Variants in FBF1 observed in about 807,000 individuals in gnomAD.
The protein encoded by FBF1 is fas-binding factor 1.
A neutral mutation model predicts 147.2 loss-of-function variants in FBF1; 119 were observed. The observed-to-expected ratio is 0.81, with a 90% CI of 0.70 to 0.94. The LOEUF is 0.94. Among genes scored for constraint, FBF1 ranks in the 40% least tolerant of loss-of-function variants. The pLI is 0.00. For missense variants in FBF1, 1,449 were observed against 1,500.8 expected (o/e 0.97, Z 0.57); for synonymous variants, 601 against 609.0 (o/e 0.99, Z 0.19).
At chr17:75,921,875 C>G (rs2065529933) in intron 15 of FBF1, 70 bp downstream of exon 15, 1 of 1,352,056 alleles carries the variant, frequency 7.4e-7, no homozygotes, top group Non-Finnish European at 1.0e-6. Flanking sequence ...CTCTGTGTCC[C>G]TCTCTCAGGA....
chr17:75,926,103 G>A lies in FBF1; in HGVS notation c.795C>T (p.Thr265=), dbSNP rs1447491482. ...CGGTGCCCGGGCGGGCCAGGAGTTTGGTGGCCATGCCTCGACCCAGCAGCT... is the reference window on the plus strand; with the variant it reads ...CGGTGCCCGGGCGGGCCAGGAGTTTAGTGGCCATGCCTCGACCCAGCAGCT... ...LDELLGRGMA[T]KLLARPGTGE... The change falls in exon 12 of 30, where the codon ACC becomes ACT. Residue 265 remains threonine, a synonymous_variant. Coordinates refer to ENST00000636174, the MANE Select transcript of FBF1 (RefSeq NM_001319193.2). 3.1e-6 allele frequency: 5 copies of A among 1,611,876 alleles called. No homozygotes were observed. The East Asian group carries it at 6.7e-5, about 22-fold the overall frequency.
At chr17:75,939,317 AC>A (rs1456137661) in intron 1 of FBF1, among the ~76,000 whole-genome samples, 6 of 140,698 alleles carry the variant, frequency 4.3e-5, no homozygotes, top group Admixed American at 2.8e-4. Context: ...AAAAAAAAAA[AC>A]GTGCTCTGGA....
At position 75,932,980 on chromosome 17, in the gene FBF1, G is replaced by T; in HGVS notation, c.167+15C>A. 1 of 1,574,670 alleles carries T rather than the reference G, an allele frequency of 6.4e-7. No homozygotes were observed. Among genetic ancestry groups the T allele is most frequent in the Non-Finnish European group, 8.7e-7 (1 of 1,149,424 alleles). ...TGAAGTAGGTCATGGATACCCAGTCGGACCCTGCCCTTACTTTGTTCTCGC... is the reference window on the plus strand; with the variant it reads ...TGAAGTAGGTCATGGATACCCAGTCTGACCCTGCCCTTACTTTGTTCTCGC... On this transcript the variant is annotated intron_variant, in intron 5 of 29. Transcript: ENST00000636174.
chr17:75,918,148 G>A lies in FBF1; in HGVS notation c.2246+14C>T. 1 of 1,612,990 alleles carries A rather than the reference G, an allele frequency of 6.2e-7. No homozygotes were observed. The highest frequency in any genetic ancestry group is 8.5e-7 in the Non-Finnish European group (1 of 1,179,564). ...CCCAACGTCAGGCGGGCATGGTTGG[G>A]GCAGCGCACATACCGCGTGTGGGAG... On this transcript the variant is annotated intron_variant, in intron 21 of 29. Coordinates refer to ENST00000636174, the MANE Select transcript of FBF1 (RefSeq NM_001319193.2). This position sits in a 1 kb window ranked among gnomAD's most constrained non-coding sequence, Gnocchi z 5.8.
At position 75,935,638 on chromosome 17, in the gene FBF1, C is replaced by A. The variant is rs2065619862; in HGVS notation, c.67G>T (p.Asp23Tyr). Residue 23 changes from aspartate to tyrosine, a missense_variant, in exon 4 of 30, where the codon GAT becomes TAT. Asp to Tyr is a radical substitution (Grantham distance 160). Coordinates refer to ENST00000636174, the MANE Select transcript of FBF1 (RefSeq NM_001319193.2). ...CTGGGCAAGGCACACTTACTATCAT[C>A]CCCTAGAAGGTCACCAAGAAAATCA... ...IDDFLGDLLG[D>Y]DMTLPEKPVK... is the part of the protein sequence containing the mutation. 1 of 1,536,860 alleles carries A rather than the reference C, an allele frequency of 6.5e-7. No homozygotes were observed. Among genetic ancestry groups the A allele is most frequent in the Middle Eastern group, 1.7e-4 (1 of 5,992 alleles).
Position 75,921,290 on chromosome 17 carries a change from C to T in FBF1, c.1628G>A (p.Cys543Tyr), listed in dbSNP as rs1473166923. 6.3e-7 allele frequency: 1 copy of T among 1,592,226 alleles called. No individual in the cohort carries two copies. Among genetic ancestry groups the T allele is most frequent in the East Asian group, 2.3e-5 (1 of 43,926 alleles). ...GDLSATEPAT[C>Y]FPSTQKPTEP... ...TGTGGGTTTCTGGGTGCTCGGGAAA[C>T]ACGTGGCAGGCTCTGAAACATCAAC... Residue 543 changes from cysteine to tyrosine, a missense_variant, in exon 17 of 30, where the codon TGT (cysteine) becomes TAT (tyrosine). Transcript: ENST00000636174.
chr17:75,932,454 A>T (rs116541691), intron 5 of FBF1, among the ~76,000 whole-genome samples: 2,296 of 152,276 alleles, frequency 0.015, 58 homozygotes, highest in African/African-American at 0.052. Context: ...ATTAACTGAC[A>T]TTAGAAGTGA....
At position 75,922,085 on chromosome 17, in the gene FBF1, G is replaced by A; in HGVS notation, c.1425-39C>T. The A allele has an allele frequency of 6.6e-7, 1 of 1,526,710 alleles. No homozygotes were observed. The highest frequency in any genetic ancestry group is 8.9e-7 in the Non-Finnish European group (1 of 1,125,050). The allele number at this position is 1,526,710 out of a possible 1,614,324, so 94.6% of individuals were successfully genotyped here. A position where few individuals can be genotyped will look rare whatever the true frequency, so the allele number is the denominator to read the frequency against. On this transcript the variant is annotated intron_variant, in intron 14 of 29. Coordinates refer to ENST00000636174, the MANE Select transcript of FBF1 (RefSeq NM_001319193.2). This position sits in a 1 kb window ranked among gnomAD's most constrained non-coding sequence, Gnocchi z 5.0. ...GCGTTCAAGGTGAAGGTGACAGAAG[G>A]CCCAGGTCAGGCTGGATGAAGACAG...
Position 75,910,752 on chromosome 17 carries a change from A to T in FBF1, c.3418T>A (p.Ser1140Thr). The change falls in exon 30 of 30, where the codon TCC becomes ACC. Residue 1140 changes from serine to threonine, a missense_variant. Ser to Thr is a moderately conservative substitution (Grantham distance 58). Coordinates refer to ENST00000636174, the MANE Select transcript of FBF1 (RefSeq NM_001319193.2). The surrounding 1 kb of genome is among the most constrained non-coding windows in gnomAD (Gnocchi z 4.1). The stretch of plus-strand genomic sequence containing the variant: ...GCTGAATGAGATGTCAAATTGTAGG[A>T]CCCTTTCTTCAGGGTCTCCAGGAAG... ...QFFLETLKKGSYNLTSHSA is the reference protein window; with the variant it reads ...QFFLETLKKGTYNLTSHSA The T allele has an allele frequency of 3.1e-6, 5 of 1,611,188 alleles. No individual in the cohort carries two copies.
At chr17:75,921,362 C>A in intron 16 of FBF1, 60 bp from the exon 17 acceptor site, 1 of 1,555,408 alleles carries the variant, frequency 6.4e-7, no homozygotes, top group South Asian at 1.2e-5. Flanking sequence ...CTGCGAGTGT[C>A]CAGGAGGGGC....
rs1306287444 is a variant in FBF1, at chr17:75,928,211, G to C, written c.280-18C>G. 21 of 1,606,574 alleles carry C rather than the reference G, an allele frequency of 1.3e-5. No homozygotes were observed. The highest frequency in any genetic ancestry group is 6.6e-5 in the South Asian group (6 of 90,866). ...TCCAGGTCCTAGAAAACCAGGGAGGGAGGGCAGAGGACTATGTCTGATAAG... is the reference window on the plus strand; with the variant it reads ...TCCAGGTCCTAGAAAACCAGGGAGGCAGGGCAGAGGACTATGTCTGATAAG... On this transcript the variant is annotated intron_variant, in intron 7 of 29. Transcript: ENST00000636174. This position sits in a 1 kb window ranked among gnomAD's most constrained non-coding sequence, Gnocchi z 4.2.
chr17:75,935,366 G>A (rs925761507), intron 4 of FBF1, among the ~76,000 whole-genome samples: 4 of 151,798 alleles, frequency 2.6e-5, no homozygotes, highest in East Asian at 1.9e-4. Context: ...ATGGGGTTTC[G>A]CCATGTTGGT....
rs574212831 is a variant in FBF1 at position 75,935,510 on chromosome 17, T to C, written c.73+122A>G. The C allele has an allele frequency of 1.0e-5, 10 of 998,856 alleles. No individual in the cohort carries two copies. In the East Asian group the frequency reaches 2.4e-4, roughly 24 times the overall value. The allele number at this position is 998,856 out of a possible 1,614,324, so 61.9% of individuals were successfully genotyped here. ...GCTTATGCCTGTAATCCCAGCACTT[T>C]GGTTTAGGAGGCGGGAGGATCATTT... is the stretch of plus-strand genomic sequence containing the variant. On this transcript the variant is annotated intron_variant, in intron 4 of 29. Transcript: ENST00000636174.
chr17:75,919,315 G>A lies in FBF1; in HGVS notation c.2138+353C>T, dbSNP rs904390534. Among the ~76,000 whole-genome samples the A allele has an allele frequency of 6.6e-6, 1 of 152,166 alleles. No homozygotes were observed. Among genetic ancestry groups the A allele is most frequent in the Admixed American group, 6.5e-5 (1 of 15,270 alleles). On this transcript the variant is annotated intron_variant, in intron 20 of 29. Transcript: ENST00000636174. The surrounding 1 kb of genome is among the most constrained non-coding windows in gnomAD (Gnocchi z 5.0). ...AAAGGCAACCCTATAAACATGGCAG[G>A]CACAACAGCGCAAGCCTTTCCCAGG...
In FBF1 at chr17:75,923,149, T is replaced by A. The variant is rs1409625865; in HGVS notation, c.1424+37A>T. The A allele has an allele frequency of 2.0e-6, 3 of 1,510,156 alleles. No homozygotes were observed. The highest frequency in any genetic ancestry group is 2.7e-6 in the Non-Finnish European group (3 of 1,124,434). 93.5% of individuals were successfully genotyped at this position (1,510,156 alleles called of 1,614,324 possible). A position where few individuals can be genotyped will look rare whatever the true frequency, so the allele number is the denominator to read the frequency against. On this transcript the variant is annotated intron_variant, in intron 14 of 29. Coordinates refer to ENST00000636174, the MANE Select transcript of FBF1 (RefSeq NM_001319193.2). The surrounding 1 kb of genome is among the most constrained non-coding windows in gnomAD (Gnocchi z 4.1). ...AGGGGCTCCTCAAGTCCCCAGCCAG[T>A]CCTCCCCCTACTAGCCACAGCAGCC...
chr17:75,911,228 C>T (rs1302576973), intron 29 of FBF1, among the ~76,000 whole-genome samples: 1 of 152,000 alleles, frequency 6.6e-6, no homozygotes, highest in South Asian at 2.1e-4. Flanking sequence ...TGAGACCAGC[C>T]GAGGCAACAT....
intron 1 of FBF1, among the ~76,000 whole-genome samples, chr17:75,940,251 T>C (rs72865819): frequency 6.6e-6 from 1 of 150,924 alleles, no homozygotes; most frequent in Non-Finnish European, 1.5e-5. Flanking sequence ...TTCTTTCTTT[T>C]TTTTTTTTCC....
Position 75,918,930 on chromosome 17 carries a change from G to T in FBF1, c.2139-661C>A, listed in dbSNP as rs2065506402. On this transcript the variant is annotated intron_variant, in intron 20 of 29. Transcript: ENST00000636174. This position sits in a 1 kb window ranked among gnomAD's most constrained non-coding sequence, Gnocchi z 5.8. ...GTGTTTTGTTTTTTAAATGTTTTTA[G>T]AGACAGGGTTTTGTTCTGTGGTCCA... Among the ~76,000 whole-genome samples the T allele has an allele frequency of 6.6e-6, 1 of 150,456 alleles. No homozygotes were observed. Among genetic ancestry groups the T allele is most frequent in the South Asian group, 2.1e-4 (1 of 4,746 alleles).
At chr17:75,913,340 G>A (rs1402742334) in intron 28 of FBF1, 1 of 168,262 alleles carries the variant, frequency 5.9e-6, no homozygotes, top group African/African-American at 2.4e-5. Flanking sequence ...CAGAGACGGG[G>A]TTTCATTATG....
Sources: allele counts gnomAD v4.1 joint callset (sites outside exome capture counted in the v4.1 genomes callset), GRCh38; gene constraint gnomAD v4.1.1; non-coding constraint Gnocchi (gnomAD v3.1); transcripts MANE v1.5; gene names NCBI Gene and HGNC (gene_info 2026-07-23, HGNC 2026-07-21).